The following CBR4 variants were observed in gnomAD, a reference collection of about 807,000 sequenced individuals.
CBR4 encodes carbonyl reductase 4, also known as 3-oxoacyl-[acyl-carrier-protein] reductase.
CBR4 carries 22 observed loss-of-function variants against 21.0 expected under a neutral mutation model. That is an observed-to-expected ratio of 1.05 (90% CI 0.75 to 1.50). The LOEUF is 1.50. CBR4 is among the 40% of genes most tolerant of loss of function. The pLI is 0.00. For missense variants in CBR4, 302 were observed against 286.3 expected, an observed-to-expected ratio of 1.05 and a Z score of -0.40; for synonymous variants, 100 against 104.4, an observed-to-expected ratio of 0.96 and a Z score of 0.26.
intron 2 of CBR4, among the ~76,000 whole-genome samples, chr4:168,935,690 T>G (rs1763092144): frequency 6.6e-6 from 1 of 152,182 alleles, no homozygotes; most frequent in Non-Finnish European, 1.5e-5. Context: ...GCAAAGCCAC[T>G]GTAGCCAGAC....
intron 2 of CBR4, among the ~76,000 whole-genome samples, chr4:168,956,368 G>A (rs887168057): frequency 3.1e-4 from 47 of 151,926 alleles, no homozygotes; most frequent in African/African-American, 9.7e-4. Context: ...CACTTTGGGA[G>A]GCCAAGGCAG....
At chr4:168,916,962 C>G (rs1760257519) in intron 2 of CBR4, among the ~76,000 whole-genome samples, 1 of 151,628 alleles carries the variant, frequency 6.6e-6, no homozygotes, top group South Asian at 2.1e-4. Context: ...AGCCACAGTG[C>G]CCCGCCCCCA....
chr4:168,984,653 T>C (rs1764635477), downstream of CBR4, among the ~76,000 whole-genome samples: 1 of 152,094 alleles, frequency 6.6e-6, no homozygotes, highest in African/African-American at 2.4e-5. Context: ...ACTACTCAAC[T>C]TCAAAATATA....
chr4:168,950,283 C>T (rs545275812), intron 2 of CBR4, among the ~76,000 whole-genome samples: 3 of 152,012 alleles, frequency 2.0e-5, no homozygotes, highest in Non-Finnish European at 4.4e-5. Context: ...TTGCCGTATC[C>T]CAGAGGTTTT....
In CBR4 at chr4:168,989,046, A is replaced by G. The variant is rs1764792201; in HGVS notation, c.*1104T>C. The stretch of plus-strand genomic sequence containing the variant: ...GGTTTGTGTCTTTATCTCTACTCCC[A>G]GGCAAATATTCTCACTTAAGACCAG... On this transcript the variant is annotated 3_prime_UTR_variant, in exon 5 of 5. Transcript: ENST00000306193. 1 of 984,940 alleles carries G rather than the reference A, an allele frequency of 1.0e-6. No individual in the cohort carries two copies. Among genetic ancestry groups the G allele is most frequent in the African/African-American group, 1.7e-5 (1 of 57,242 alleles). The allele number at this position is 984,940 out of a possible 1,614,324, so 61.0% of individuals were successfully genotyped here. A position where few individuals can be genotyped will look rare whatever the true frequency, so the allele number is the denominator to read the frequency against.
chr4:168,905,399 C>G (rs555539926), intron 2 of CBR4, among the ~76,000 whole-genome samples: 1 of 151,736 alleles, frequency 6.6e-6, no homozygotes, highest in African/African-American at 2.4e-5. Flanking sequence ...CCGCCCGCCT[C>G]GGCCTCCCAA....
chr4:168,927,201 TGGAAGGAGTA>T (rs1216917955), intron 2 of CBR4: 2 of 230,788 alleles, frequency 8.7e-6, no homozygotes, highest in African/African-American at 4.4e-5. Context: ...ATCAGGGGTT[TGGAAGGAGTA>T]GGGAGGAGAA....
chr4:168,903,708 A>G (rs1289977722), intron 2 of CBR4: 1 of 1,461,262 alleles, frequency 6.8e-7, no homozygotes, highest in Non-Finnish European at 9.6e-7. Flanking sequence ...CTCCAAATAG[A>G]GTAGGAATAC....
chr4:168,900,252 T>C, intron 2 of CBR4, among the ~76,000 whole-genome samples: 1 of 152,152 alleles, frequency 6.6e-6, no homozygotes, highest in Non-Finnish European at 1.5e-5. Flanking sequence ...GGGAGTCCCA[T>C]TTCAGCATGA....
At chr4:168,959,570 T>C (rs1763785752) in intron 2 of CBR4, among the ~76,000 whole-genome samples, 1 of 149,030 alleles carries the variant, frequency 6.7e-6, no homozygotes, top group Non-Finnish European at 1.5e-5. Flanking sequence ...TCTTTTTTTT[T>C]TTTTTTTTTT....
In CBR4 at chr4:168,969,035, C is replaced by T. The variant is rs546348535; in HGVS notation, n.169+33036G>A. ...GCCAGCACTCCATTCATTACCCCATCTCCACATGCTCCCATTAACATCAGA... is the reference window on the plus strand; with the variant it reads ...GCCAGCACTCCATTCATTACCCCATTTCCACATGCTCCCATTAACATCAGA... On this transcript the variant is annotated intron_variant and non_coding_transcript_variant, in intron 2 of 3. Coordinates refer to the CBR4 transcript ENST00000509108. Among the ~76,000 whole-genome samples the T allele has an allele frequency of 5.7e-4, 87 of 152,360 alleles. 1 individual carries two copies. Among genetic ancestry groups the T allele is most frequent in the African/African-American group, 2.1e-3 (86 of 41,588 alleles).
Position 168,988,196 on chromosome 4 carries a change from C to G in CBR4, c.*1954G>C, listed in dbSNP as rs189677590. ...GGTCAGTGGGAGTGGGCGGATTCAC[C>G]TGGAGTGGAGCAGTGAAGGTTTATT... On this transcript the variant is annotated 3_prime_UTR_variant, in exon 5 of 5. Transcript: ENST00000306193. The G allele has an allele frequency of 2.0e-6, 2 of 985,374 alleles. No homozygotes were observed. The highest frequency in any genetic ancestry group is 3.5e-5 in the African/African-American group (2 of 57,344). 61.0% of individuals were successfully genotyped at this position (985,374 alleles called of 1,614,324 possible). A position where few individuals can be genotyped will look rare whatever the true frequency, so the allele number is the denominator to read the frequency against.
chr4:168,909,430 T>C (rs1758454438), intron 2 of CBR4, among the ~76,000 whole-genome samples: 1 of 152,210 alleles, frequency 6.6e-6, no homozygotes. Flanking sequence ...GGATGTTTAA[T>C]ACAGAATCAC....
intron 3 of CBR4, 92 bp from the exon 4 acceptor site, chr4:169,002,297 A>G (rs1730522441): frequency 8.1e-7 from 1 of 1,230,356 alleles, no homozygotes; most frequent in South Asian, 2.6e-5. Flanking sequence ...AGTAAACAAA[A>G]AGGTAAAACC....
At chr4:168,928,523 C>T (rs1203093460) in intron 2 of CBR4, 1 of 164,722 alleles carries the variant, frequency 6.1e-6, no homozygotes, top group African/African-American at 2.4e-5. Context: ...CAGCATCACT[C>T]ATTTATTACT....
At chr4:168,894,855 T>C in intron 2 of CBR4, 2 of 941,496 alleles carry the variant, frequency 2.1e-6, no homozygotes, top group Non-Finnish European at 3.1e-6. Context: ...CATACTATGT[T>C]AAGTGACTGA....
intron 1 of CBR4, among the ~76,000 whole-genome samples, chr4:169,009,305 T>C (rs531185009): frequency 3.9e-5 from 6 of 152,280 alleles, no homozygotes; most frequent in African/African-American, 1.4e-4. Flanking sequence ...GAAGTTTAAA[T>C]GCAATAAAAA....
chr4:168,925,139 T>C, intron 2 of CBR4: 1 of 1,597,992 alleles, frequency 6.3e-7, no homozygotes, highest in Non-Finnish European at 8.6e-7. Context: ...AAATTAGACA[T>C]CTGGACAGCA....
intron 2 of CBR4, chr4:168,921,389 AAG>A (rs1287667103): frequency 1.7e-6 from 1 of 597,964 alleles, no homozygotes; most frequent in Non-Finnish European, 2.9e-6. Flanking sequence ...CCTGGGCAAT[AAG>A]AGTGAAACTC....
Sources: gnomAD v4.1 joint callset for allele counts (sites outside exome capture counted in the v4.1 genomes callset) on GRCh38, gnomAD v4.1.1 for gene constraint, MANE v1.5 for transcripts, NCBI Gene and HGNC (gene_info 2026-07-23, HGNC 2026-07-21) for gene names.